Variants in POLN observed in about 807,000 individuals in gnomAD.
The protein encoded by POLN is DNA polymerase N.
Under a neutral mutation model 113.5 loss-of-function variants are expected in POLN, and 108 were observed. The ratio of observed to expected loss-of-function variants is 0.95; its 90% CI spans 0.81 to 1.12. The LOEUF (loss-of-function observed/expected upper bound fraction) is 1.12. Ranked by LOEUF, POLN falls within the 50% of genes most tolerant of loss-of-function variation. The probability of loss-of-function intolerance (pLI) is 0.00; values close to 1 mark genes in which losing one functional copy is unlikely to be tolerated. For missense variants in POLN, 1,097 were observed against 1,077.1 expected (o/e 1.02, Z -0.26); for synonymous variants, 386 against 391.5 (o/e 0.99, Z 0.17).
intron 19 of POLN, among the ~76,000 whole-genome samples, chr4:2,100,125 T>A (rs1730889177): frequency 6.6e-6 from 1 of 150,568 alleles, no homozygotes; most frequent in Non-Finnish European, 1.5e-5. Flanking sequence ...AAAATTATGC[T>A]AGGGTTCAAA....
At chr4:2,183,568 G>A (rs575293564) in intron 7 of POLN, among the ~76,000 whole-genome samples, 1 of 152,262 alleles carries the variant, frequency 6.6e-6, no homozygotes, top group South Asian at 2.1e-4. Flanking sequence ...GTGACAAAAG[G>A]TTGCATATTG....
chr4:2,082,275 T>G (rs1464997784), intron 21 of POLN, among the ~76,000 whole-genome samples: 1 of 152,182 alleles, frequency 6.6e-6, no homozygotes, highest in Non-Finnish European at 1.5e-5. Context: ...CTCTCAGCTC[T>G]GTACTCTCCT....
At chr4:2,095,099 A>T (rs1175779151) in intron 20 of POLN, among the ~76,000 whole-genome samples, 1 of 151,942 alleles carries the variant, frequency 6.6e-6, no homozygotes, top group Admixed American at 6.5e-5. Context: ...AAAATCCCAG[A>T]CAGCCCATGT....
chr4:2,089,364 T>A, intron 20 of POLN: 1 of 1,391,184 alleles, frequency 7.2e-7, no homozygotes, highest in Non-Finnish European at 9.9e-7. Flanking sequence ...TTGCTAATTG[T>A]GACAGGGGAA....
In POLN at chr4:2,184,015, G is replaced by A. The variant is rs556871343; in HGVS notation, c.1022-4550C>T. 7.3e-5 allele frequency among the ~76,000 whole-genome samples: 11 copies of A among 151,674 alleles called. No homozygotes were observed. In the South Asian group the frequency reaches 1.3e-3, roughly 17 times the overall value. On this transcript the variant is annotated intron_variant, in intron 7 of 25. Coordinates refer to ENST00000511885, the MANE Select transcript of POLN (RefSeq NM_181808.4). Reference sequence around the variant, plus strand: ...ACTACAGGCGCACGCCATCATGCCCGGCTAATTTTCATATTTTTAGTAGAG... The same window carrying A: ...ACTACAGGCGCACGCCATCATGCCCAGCTAATTTTCATATTTTTAGTAGAG...
rs1329214673 is a variant in POLN at position 2,213,074 on chromosome 4, G to A, written c.186C>T (p.Asp62=). 6.2e-7 allele frequency: 1 copy of A among 1,609,830 alleles called. No individual in the cohort carries two copies. The highest frequency in any genetic ancestry group is 2.2e-5 in the East Asian group (1 of 44,738). ...SSVKYSVQLE[D]RKTQSPEKKD... ...TTTTTTCTGGTGATTGAGTCTTCCT[G>A]TCTTCAAGTTGTACTGAATACTTAA... The change falls in exon 4 of 26, where the codon GAC becomes GAT. Residue 62 remains aspartate (D), a synonymous_variant. Transcript: ENST00000511885.
chr4:2,117,735 G>C (rs1731351530), intron 19 of POLN, among the ~76,000 whole-genome samples: 6 of 152,200 alleles, frequency 3.9e-5, no homozygotes, highest in Non-Finnish European at 8.8e-5. Context: ...AAAGGTCCTG[G>C]ATTAGGCCCT....
intron 16 of POLN, among the ~76,000 whole-genome samples, chr4:2,154,579 C>T (rs988613304): frequency 6.6e-6 from 1 of 152,060 alleles, no homozygotes; most frequent in African/African-American, 2.4e-5. Context: ...TGGCGAGAGG[C>T]TAATTTGGCA....
intron 19 of POLN, among the ~76,000 whole-genome samples, chr4:2,099,254 C>A (rs1730868208): frequency 6.6e-6 from 1 of 152,146 alleles, no homozygotes; most frequent in Non-Finnish European, 1.5e-5. Flanking sequence ...CAAAGGGTAC[C>A]ATGTGGAATC....
Position 2,229,198 on chromosome 4 carries a change from G to C in POLN, c.34C>G (p.Leu12Val), listed in dbSNP as rs1280046501. The C allele has an allele frequency of 6.2e-7, 1 of 1,606,986 alleles. No homozygotes were observed. Among genetic ancestry groups the C allele is most frequent in the Non-Finnish European group, 8.5e-7 (1 of 1,176,344 alleles). ...ACACTGGAGAGCGGTGTATTACAGA[G>C]ATCAAAGCCTACCAATGCCTCATAA... ...ENYEALVGFD[L>V]CNTPLSSVAQ... Residue 12 changes from leucine (L) to valine (V), a missense_variant, in exon 3 of 26, where the codon CTC (leucine) becomes GTC (valine). Coordinates refer to ENST00000511885, the MANE Select transcript of POLN (RefSeq NM_181808.4).
chr4:2,141,851 G>A (rs1368126001), intron 16 of POLN, among the ~76,000 whole-genome samples: 5 of 152,322 alleles, frequency 3.3e-5, no homozygotes, highest in South Asian at 2.1e-4. Flanking sequence ...TGGAGACTGC[G>A]ACCCAGCCTG....
intron 20 of POLN, chr4:2,089,061 T>A: frequency 2.3e-6 from 2 of 883,432 alleles, no homozygotes; most frequent in Non-Finnish European, 3.7e-6. Flanking sequence ...AGAACTTTAG[T>A]TCGTGATGAA....
At chr4:2,170,798 G>A in intron 12 of POLN, 24 bp from the exon 13 acceptor site, 1 of 1,589,530 alleles carries the variant, frequency 6.3e-7, no homozygotes, top group Non-Finnish European at 8.6e-7. Flanking sequence ...AATTAAACAT[G>A]GTGAGGGAAT....
At chr4:2,156,992 C>A (rs1732451126) in intron 15 of POLN, 139 bp from the exon 16 acceptor site, 1 of 684,694 alleles carries the variant, frequency 1.5e-6, no homozygotes, top group Non-Finnish European at 2.6e-6. Context: ...AACTTCCAAC[C>A]CTGAAATGTC....
chr4:2,223,271 A>G (rs900242984), intron 3 of POLN, among the ~76,000 whole-genome samples: 1 of 152,170 alleles, frequency 6.6e-6, no homozygotes, highest in African/African-American at 2.4e-5. Flanking sequence ...AGTGAGGACC[A>G]GTACCTGTCT....
At chr4:2,238,884 C>A in intron 2 of POLN, 1 of 1,613,178 alleles carries the variant, frequency 6.2e-7, no homozygotes, top group Non-Finnish European at 8.5e-7. Context: ...ATCTGCAGAT[C>A]AAAATCTCCC....
At chr4:2,230,089 G>A (rs1417651358) in intron 2 of POLN, 1 of 152,558 alleles carries the variant, frequency 6.6e-6, no homozygotes, top group Non-Finnish European at 1.5e-5. Flanking sequence ...GAGGTCAGGA[G>A]TTTGAGACCA....
intron 13 of POLN, among the ~76,000 whole-genome samples, chr4:2,168,791 ATC>A (rs971514616): frequency 2.6e-5 from 4 of 152,232 alleles, no homozygotes; most frequent in Admixed American, 6.5e-5. Context: ...TCCAGGAACC[ATC>A]TTATATGACC....
chr4:2,222,376 G>C (rs915327041), intron 3 of POLN, among the ~76,000 whole-genome samples: 3 of 151,502 alleles, frequency 2.0e-5, no homozygotes, highest in Admixed American at 6.6e-5. Flanking sequence ...AACCCCATGT[G>C]TACTTAAAAA....
Sources: gnomAD v4.1 joint callset for allele counts (sites outside exome capture counted in the v4.1 genomes callset) on GRCh38, gnomAD v4.1.1 for gene constraint, MANE v1.5 for transcripts, NCBI Gene and HGNC (gene_info 2026-07-23, HGNC 2026-07-21) for gene names.